Variants in GRHL1 observed in about 807,000 individuals in gnomAD.
The protein encoded by GRHL1 is grainyhead like transcription factor 1, also known as grainyhead-like protein 1 homolog.
Under a neutral mutation model 75.7 loss-of-function variants are expected in GRHL1, and 38 were observed. That is an observed-to-expected ratio of 0.50 (90% confidence interval 0.39 to 0.66). The LOEUF (loss-of-function observed/expected upper bound fraction) is 0.66. GRHL1 is among the 30% of genes least tolerant of loss of function. GRHL1 has a pLI of 0.00. For synonymous variants in GRHL1, 266 were observed against 279.4 expected (o/e 0.95, Z 0.48); for missense variants, 589 against 767.5 (o/e 0.77, Z 2.75).
At position 9,965,454 on chromosome 2, in the gene GRHL1, GA is replaced by G; in HGVS notation, c.1110+74del. On this transcript the variant is annotated intron_variant, in intron 8 of 15. Coordinates refer to ENST00000324907, the MANE Select transcript of GRHL1 (RefSeq NM_198182.3). ...GGAGGAGTTTAATGATTTGACAACT[GA>G]TTTTTTTTTTTTTCACAGTTTTATG... 6 of 806,960 alleles carry G rather than the reference GA, an allele frequency of 7.4e-6. No homozygotes were observed. The South Asian group carries it at 9.0e-5, about 12-fold the overall frequency. The allele number at this position is 806,960 out of a possible 1,614,324, so 50.0% of individuals were successfully genotyped here.
chr2:9,967,172 A>C (rs1490676199), intron 8 of GRHL1, among the ~76,000 whole-genome samples: 1 of 152,170 alleles, frequency 6.6e-6, no homozygotes, highest in African/African-American at 2.4e-5. Flanking sequence ...CCCTTTTCCA[A>C]CTTATCCATG....
chr2:9,996,898 G>A (rs1668885497), intron 14 of GRHL1, among the ~76,000 whole-genome samples: 1 of 152,156 alleles, frequency 6.6e-6, no homozygotes, highest in Admixed American at 6.5e-5. Flanking sequence ...TCAGCACGAG[G>A]CTGGAATAAA....
intron 8 of GRHL1, among the ~76,000 whole-genome samples, chr2:9,973,831 C>T (rs1286294073): frequency 6.6e-6 from 1 of 152,154 alleles, no homozygotes; most frequent in Non-Finnish European, 1.5e-5. Context: ...GATAAAGACT[C>T]CCAGAGGCAA....
intron 5 of GRHL1, among the ~76,000 whole-genome samples, chr2:9,962,787 G>A (rs1341888723): frequency 6.6e-6 from 1 of 152,010 alleles, no homozygotes; most frequent in Non-Finnish European, 1.5e-5. Context: ...GATGGTAGTA[G>A]AATGGAATCT....
chr2:9,983,229 T>TCCTGG (rs1275432785), intron 8 of GRHL1, among the ~76,000 whole-genome samples: 1 of 152,202 alleles, frequency 6.6e-6, no homozygotes, highest in Non-Finnish European at 1.5e-5. Context: ...TCTCTCATGT[T>TCCTGG]CCTGGCCTGC....
chr2:9,993,111 G>T, intron 11 of GRHL1, 96 bp from the exon 12 acceptor site: 1 of 935,122 alleles, frequency 1.1e-6, no homozygotes, highest in South Asian at 1.3e-5. Flanking sequence ...TATTAGATTG[G>T]TGAAATTCAA....
chr2:9,979,067 C>T (rs1392114819), intron 8 of GRHL1, among the ~76,000 whole-genome samples: 3 of 137,924 alleles, frequency 2.2e-5, no homozygotes, highest in Non-Finnish European at 4.6e-5. Context: ...GGCTGAGGCA[C>T]GAGAATCGCT....
At position 9,998,837 on chromosome 2, in the gene GRHL1, C is replaced by T. The variant is rs1391150111; in HGVS notation, c.1678-128C>T. On this transcript the variant is annotated intron_variant, in intron 14 of 15. Transcript: ENST00000324907. ...ATATATATGTACACATATATATATA[C>T]GTATATATATGTACACATATATATA... The T allele has an allele frequency of 5.8e-5, 5 of 85,952 alleles. 1 individual carries two copies. Among genetic ancestry groups the T allele is most frequent in the Non-Finnish European group, 9.3e-5 (5 of 53,836 alleles). The allele number at this position is 85,952 out of a possible 1,614,324, so 5.3% of individuals were successfully genotyped here.
rs142249999 is a variant in GRHL1 at position 9,986,810 on chromosome 2, G to A, written c.1269+528G>A. ...TAGCCTCAACCTCCTGGGCTCAAGC[G>A]ATCCCCCAAACTCAGTCTCCTGAGT... On this transcript the variant is annotated intron_variant, in intron 9 of 15. Transcript: ENST00000324907. 8.3e-3 allele frequency among the ~76,000 whole-genome samples: 1,256 copies of A among 152,234 alleles called. 12 individuals are homozygous for A. Among genetic ancestry groups the A allele is most frequent in the Middle Eastern group, 0.014 (4 of 294 alleles).
intron 14 of GRHL1, among the ~76,000 whole-genome samples, chr2:9,997,057 G>A (rs1262637412): frequency 1.3e-5 from 2 of 152,182 alleles, no homozygotes; most frequent in Admixed American, 1.3e-4. Context: ...AGAGACCGTA[G>A]AGATCTTTAA....
chr2:9,997,695 C>T (rs990331654), intron 14 of GRHL1, among the ~76,000 whole-genome samples: 43 of 151,832 alleles, frequency 2.8e-4, no homozygotes, highest in Admixed American at 2.4e-3. Flanking sequence ...TGGTGGCAGG[C>T]GCCTGTAATC....
chr2:9,984,700 G>A (rs903597206), intron 8 of GRHL1, among the ~76,000 whole-genome samples: 22 of 152,124 alleles, frequency 1.4e-4, no homozygotes, highest in African/African-American at 4.6e-4. Context: ...CATTGCTCAG[G>A]CACATGCTAG....
intron 8 of GRHL1, among the ~76,000 whole-genome samples, chr2:9,970,759 A>G: frequency 6.6e-6 from 1 of 152,240 alleles, no homozygotes; most frequent in East Asian, 1.9e-4. Flanking sequence ...TGTGCTTTTC[A>G]TTATAATCTA....
At chr2:9,954,574 T>C (rs1415729774) in intron 1 of GRHL1, among the ~76,000 whole-genome samples, 1 of 152,212 alleles carries the variant, frequency 6.6e-6, no homozygotes, top group Non-Finnish European at 1.5e-5. Flanking sequence ...AAGTATTCTC[T>C]TTTCTTTACT....
In GRHL1 at chr2:9,998,890, A is replaced by ATATATATGTACACATATATATACG. The variant is rs1558321866; in HGVS notation, c.1678-68_1678-67insGTACACATATATATACGTATATAT. 9.5e-5 allele frequency: 29 copies of ATATATATGTACACATATATATACG among 304,984 alleles called. 3 individuals carry two copies. The highest frequency in any genetic ancestry group is 1.5e-4 in the East Asian group (2 of 13,164). 18.9% of individuals were successfully genotyped at this position (304,984 alleles called of 1,614,324 possible). On this transcript the variant is annotated intron_variant, in intron 14 of 15. Transcript: ENST00000324907. ...TATATATATGTACACATATATATAC[A>ATATATATGTACACATATATATACG]TATATATATATTTGTTGTTTGGTTT... is the stretch of plus-strand genomic sequence containing the variant.
rs756928945 is a variant in GRHL1 at position 9,995,981 on chromosome 2, T to C, written c.1591+11T>C. On this transcript the variant is annotated intron_variant, in intron 13 of 15. Coordinates refer to ENST00000324907, the MANE Select transcript of GRHL1 (RefSeq NM_198182.3). ...AAGAACCAAAGAGAGGTGTGTTCGT[T>C]TCCATTTCTTAGTGGGAGTTTTAAA... 1 of 1,521,638 alleles carries C rather than the reference T, an allele frequency of 6.6e-7. No individual in the cohort carries two copies. The highest frequency in any genetic ancestry group is 9.1e-7 in the Non-Finnish European group (1 of 1,096,060). The allele number at this position is 1,521,638 out of a possible 1,614,324, so 94.3% of individuals were successfully genotyped here.
At chr2:9,974,500 G>A (rs1218410163) in intron 8 of GRHL1, among the ~76,000 whole-genome samples, 2 of 152,092 alleles carry the variant, frequency 1.3e-5, no homozygotes, top group African/African-American at 4.8e-5. Context: ...TGAGTTGGGC[G>A]TGATAATACA....
chr2:9,990,692 A>T lies in GRHL1; in HGVS notation c.1270-4A>T. On this transcript the variant is annotated splice_polypyrimidine_tract_variant and splice_region_variant and intron_variant, in intron 9 of 15. Transcript: ENST00000324907. The surrounding 1 kb of genome is among the most constrained non-coding windows in gnomAD (Gnocchi z 4.2). ...ATCATATCTTGTCTTCTCTTAACCT[A>T]CAGGGAGCTGAGCGGAAAATCAGGG... The T allele has an allele frequency of 6.3e-7, 1 of 1,599,878 alleles. No homozygotes were observed. Among genetic ancestry groups the T allele is most frequent in the Non-Finnish European group, 8.6e-7 (1 of 1,168,256 alleles).
At position 9,977,518 on chromosome 2, in the gene GRHL1, C is replaced by CA. The variant is rs545324066; in HGVS notation, c.1111-8605dup. Among the ~76,000 whole-genome samples, 7 of 152,326 alleles carry CA rather than the reference C, an allele frequency of 4.6e-5. No homozygotes were observed. In the East Asian group the frequency reaches 1.4e-3, roughly 29 times the overall value. On this transcript the variant is annotated intron_variant, in intron 8 of 15. Coordinates refer to ENST00000324907, the MANE Select transcript of GRHL1 (RefSeq NM_198182.3). ...TATATTTTTGTTAGAGACAGGGTTT[C>CA]ACCATGTTGGCCAGGCTGGTCTCAA...
Sources: gnomAD v4.1 joint callset for allele counts (sites outside exome capture counted in the v4.1 genomes callset) on GRCh38, gnomAD v4.1.1 for gene constraint, Gnocchi (gnomAD v3.1) non-coding constraint, MANE v1.5 for transcripts, NCBI Gene and HGNC (gene_info 2026-07-23, HGNC 2026-07-21) for gene names.